WWOX: variants seen among roughly 807,000 people sequenced by gnomAD.
The protein encoded by WWOX is WW domain-containing oxidoreductase.
Under a neutral mutation model 46.2 loss-of-function variants are expected in WWOX, and 69 were observed. The observed-to-expected ratio is 1.49, with a 90% CI of 1.23 to 1.82. The LOEUF (loss-of-function observed/expected upper bound fraction) is 1.82. WWOX is among the 40% of genes most tolerant of loss of function. The pLI is 0.00. For synonymous variants in WWOX, 359 were observed against 202.6 expected, an observed-to-expected ratio of 1.77 and a Z score of -6.56; for missense variants, 919 against 542.6, an observed-to-expected ratio of 1.69 and a Z score of -6.89.
intron 8 of WWOX, among the ~76,000 whole-genome samples, chr16:78,823,378 C>T (rs1255178164): frequency 6.6e-6 from 1 of 152,172 alleles, no homozygotes; most frequent in Admixed American, 6.5e-5. Context: ...CACCCCATCC[C>T]ATCATTCCAG....
rs112385291 is a variant in WWOX, at chr16:78,378,460, A to G, written c.517-8400A>G. On this transcript the variant is annotated intron_variant, in intron 5 of 8. Transcript: ENST00000566780. Reference sequence around the variant, plus strand: ...TGTCCCCATGCATTTTCCAGTGAAGATGCGATCACCCATTGCCACCGTTAC... The same window carrying G: ...TGTCCCCATGCATTTTCCAGTGAAGGTGCGATCACCCATTGCCACCGTTAC... Among the ~76,000 whole-genome samples the G allele has an allele frequency of 8.3e-4, 126 of 152,298 alleles. 1 individual carries two copies. Among genetic ancestry groups the G allele is most frequent in the Non-Finnish European group, 1.4e-3 (94 of 68,014 alleles).
chr16:78,332,568 C>A (rs1489451946), intron 5 of WWOX, among the ~76,000 whole-genome samples: 1 of 152,186 alleles, frequency 6.6e-6, no homozygotes, highest in Non-Finnish European at 1.5e-5. Flanking sequence ...CATTTGTCCA[C>A]CCCAAGTATT....
chr16:78,650,445 C>T (rs1313696929), intron 8 of WWOX, among the ~76,000 whole-genome samples: 8 of 152,170 alleles, frequency 5.3e-5, no homozygotes, highest in Non-Finnish European at 1.2e-4. Flanking sequence ...TGCCTTGCTT[C>T]CTAGGCTGTC....
intron 8 of WWOX, among the ~76,000 whole-genome samples, chr16:78,942,114 C>G (rs1435946874): frequency 6.6e-6 from 1 of 152,148 alleles, no homozygotes; most frequent in East Asian, 1.9e-4. Flanking sequence ...GTGATTCTAA[C>G]ACGGAAGCGC....
intron 8 of WWOX, among the ~76,000 whole-genome samples, chr16:78,724,428 A>G (rs930847973): frequency 2.0e-5 from 3 of 152,192 alleles, no homozygotes; most frequent in African/African-American, 7.2e-5. Context: ...GTTAAGGTAA[A>G]TGGCTTTTAG....
intron 8 of WWOX, among the ~76,000 whole-genome samples, chr16:78,467,315 CTATA>C (rs1322039093): frequency 6.6e-6 from 1 of 151,890 alleles, no homozygotes; most frequent in Non-Finnish European, 1.5e-5. Context: ...TACACACAGT[CTATA>C]TATACATGTA....
intron 8 of WWOX, among the ~76,000 whole-genome samples, chr16:78,559,023 G>A (rs2044370218): frequency 1.3e-5 from 2 of 152,168 alleles, no homozygotes; most frequent in South Asian, 4.1e-4. Context: ...CATATCCACG[G>A]CATCCACACA....
chr16:78,619,143 ATATATATATATATATATATAT>A lies in WWOX; in HGVS notation c.1056+186392_1056+186412del, dbSNP rs2046109429. On this transcript the variant is annotated intron_variant, in intron 8 of 8. Transcript: ENST00000566780. The stretch of plus-strand genomic sequence containing the variant: ...AAACCCCATTTCTACTAAAAAAAAA[ATATATATATATATATATATAT>A]ATATATATATATATATATATATATA... Among the ~76,000 whole-genome samples, 20 of 3,532 alleles carry A rather than the reference ATATATATATATATATATATAT, an allele frequency of 5.7e-3. 5 individuals are homozygous for A. Among genetic ancestry groups the A allele is most frequent in the Non-Finnish European group, 8.1e-3 (16 of 1,964 alleles). 2.3% of individuals were successfully genotyped at this position (3,532 alleles called of 152,430 possible). A position where few individuals can be genotyped will look rare whatever the true frequency, so the allele number is the denominator to read the frequency against.
chr16:79,177,240 G>T (rs1297429307), intron 8 of WWOX, among the ~76,000 whole-genome samples: 1 of 152,144 alleles, frequency 6.6e-6, no homozygotes, highest in Non-Finnish European at 1.5e-5. Context: ...AGCCGCGAGT[G>T]CCGTTGTGGC....
At chr16:79,189,159 C>T (rs1182398841) in intron 8 of WWOX, among the ~76,000 whole-genome samples, 1 of 152,138 alleles carries the variant, frequency 6.6e-6, no homozygotes, top group African/African-American at 2.4e-5. Flanking sequence ...CTTTCTGTTT[C>T]CAGCATGGTC....
At chr16:78,893,118 C>T in intron 8 of WWOX, among the ~76,000 whole-genome samples, 1 of 151,860 alleles carries the variant, frequency 6.6e-6, no homozygotes, top group South Asian at 2.1e-4. Flanking sequence ...TGTAGTTACC[C>T]ACACAGAAAA....
chr16:78,672,433 G>C (rs2738609), intron 8 of WWOX, among the ~76,000 whole-genome samples: 11 of 152,180 alleles, frequency 7.2e-5, no homozygotes, highest in African/African-American at 2.7e-4. Context: ...TTTTGACTAA[G>C]ACTGGAATGT....
intron 8 of WWOX, among the ~76,000 whole-genome samples, chr16:79,021,172 G>A (rs549077698): frequency 2.2e-4 from 34 of 152,304 alleles, no homozygotes; most frequent in African/African-American, 7.7e-4. Flanking sequence ...TGTTTATAAA[G>A]ACAAGGAAAC....
At chr16:78,913,752 C>G (rs2045173426) in intron 8 of WWOX, among the ~76,000 whole-genome samples, 1 of 151,718 alleles carries the variant, frequency 6.6e-6, no homozygotes, top group Non-Finnish European at 1.5e-5. Flanking sequence ...GCCTCCAACT[C>G]CTAGGCTGAA....
At chr16:78,384,138 G>A (rs369540416) in intron 5 of WWOX, among the ~76,000 whole-genome samples, 1 of 152,166 alleles carries the variant, frequency 6.6e-6, no homozygotes, top group Non-Finnish European at 1.5e-5. Context: ...TTTATAATAT[G>A]TAGCCTGCAT....
chr16:78,601,177 A>G (rs1009162720), intron 8 of WWOX, among the ~76,000 whole-genome samples: 1 of 152,206 alleles, frequency 6.6e-6, no homozygotes, highest in Non-Finnish European at 1.5e-5. Flanking sequence ...TGCCACTCAT[A>G]TAGAACTCCT....
chr16:78,223,227 G>A (rs149655508), intron 5 of WWOX, among the ~76,000 whole-genome samples: 232 of 152,252 alleles, frequency 1.5e-3, no homozygotes, highest in African/African-American at 5.4e-3. Context: ...AGATATTTGG[G>A]TTGTCATATC....
chr16:78,683,732 G>C (rs1007637628), intron 8 of WWOX, among the ~76,000 whole-genome samples: 1 of 152,044 alleles, frequency 6.6e-6, no homozygotes, highest in Admixed American at 6.6e-5. Context: ...ATAAGTTGTG[G>C]TCTTCAGGGA....
chr16:78,770,906 C>A (rs1279795028), intron 8 of WWOX, among the ~76,000 whole-genome samples: 1 of 152,160 alleles, frequency 6.6e-6, no homozygotes, highest in East Asian at 1.9e-4. Flanking sequence ...ATAGGCAGAG[C>A]GAGGAGCGTA....
Sources: allele counts gnomAD v4.1 joint callset (sites outside exome capture counted in the v4.1 genomes callset), GRCh38; gene constraint gnomAD v4.1.1; transcripts MANE v1.5; gene names NCBI Gene and HGNC (gene_info 2026-07-23, HGNC 2026-07-21).